XBP1: variants seen among roughly 807,000 people sequenced by gnomAD.
The protein encoded by XBP1 is X-box-binding protein 1.
XBP1 carries 18 observed loss-of-function variants against 34.6 expected under a neutral mutation model. The ratio of observed to expected loss-of-function variants is 0.52; its 90% CI spans 0.36 to 0.77. The LOEUF (loss-of-function observed/expected upper bound fraction) is 0.77. Among genes scored for constraint, XBP1 ranks in the 30% least tolerant of loss-of-function variants. XBP1 has a pLI of 0.00. For missense variants in XBP1, 422 were observed against 464.6 expected (o/e 0.91, Z 0.84); for synonymous variants, 191 against 193.4 (o/e 0.99, Z 0.11).
At chr22:28,799,690 T>A (rs559347854) in intron 1 of XBP1, among the ~76,000 whole-genome samples, 23 of 152,152 alleles carry the variant, frequency 1.5e-4, no homozygotes, top group South Asian at 8.3e-4. Context: ...CTTTTTTTTT[T>A]AAAAGAATTA....
chr22:28,800,183 G>A, intron 1 of XBP1, 115 bp downstream of exon 1: 1 of 1,271,776 alleles, frequency 7.9e-7, no homozygotes. Context: ...CCAGGCCAAA[G>A]GCGACGGAGC....
chr22:28,797,200 T>C (rs772572679), exon 3 of XBP1: 2 of 1,612,544 alleles, frequency 1.2e-6, no homozygotes, highest in Non-Finnish European at 1.7e-6. Flanking sequence ...GCAAAAGTTT[T>C]TGGTTCTGGA....
At chr22:28,795,124 C>T, downstream of XBP1, 1 of 1,453,532 alleles carries the variant, frequency 6.9e-7, no homozygotes, top group Non-Finnish European at 9.1e-7. Context: ...CTCTGCTATC[C>T]TCCAGGCAGT....
chr22:28,796,939 T>G, intron 3 of XBP1, 138 bp downstream of exon 3: 1 of 1,084,724 alleles, frequency 9.2e-7, no homozygotes. Context: ...ACACTCTGCC[T>G]GCATGAAAAT....
At position 28,796,038 on chromosome 22, in the gene XBP1, G is replaced by C; in HGVS notation, c.573+9C>G. ...ATATAGCTCTTTAATAAGTCAGAAT[G>C]ATCCCTACCTCTGAATCTGAAGAGT... On this transcript the variant is annotated intron_variant, in intron 5 of 5. Transcript: ENST00000344347. 1 of 1,614,062 alleles carries C rather than the reference G, an allele frequency of 6.2e-7. No homozygotes were observed.
At chr22:28,799,130 G>A in exon 2 of XBP1, 2 of 1,614,058 alleles carry the variant, frequency 1.2e-6, no homozygotes, top group Non-Finnish European at 1.7e-6. Flanking sequence ...GGCAGTCTGA[G>A]CTGCTACTCT....
At chr22:28,795,612 A>G (rs199555020) in exon 6 of XBP1, 2 of 1,614,076 alleles carry the variant, frequency 1.2e-6, no homozygotes, top group African/African-American at 2.7e-5. Context: ...GAGGCTGGTA[A>G]GGAACTGGGT....
chr22:28,797,401 G>T (rs1359413859), intron 2 of XBP1, among the ~76,000 whole-genome samples, 196 bp from the exon 3 acceptor site: 1 of 152,162 alleles, frequency 6.6e-6, no homozygotes, highest in African/African-American at 2.4e-5. Context: ...ACTTCATGGG[G>T]TCAAGAATAA....
chr22:28,796,010 G>T, intron 5 of XBP1, 37 bp downstream of exon 5: 1 of 1,612,284 alleles, frequency 6.2e-7, no homozygotes, highest in Non-Finnish European at 8.5e-7. Context: ...GAATTAACTG[G>T]TTATATAGCT....
At chr22:28,794,876 C>T (rs946928228), downstream of XBP1, 3 of 242,436 alleles carry the variant, frequency 1.2e-5, no homozygotes, top group Non-Finnish European at 2.4e-5. Flanking sequence ...ATGACCCTTA[C>T]ATAATAAGTA....
intron 1 of XBP1, chr22:28,799,839 A>C: frequency 1.6e-6 from 1 of 612,662 alleles, no homozygotes. Flanking sequence ...TTCCATTTTA[A>C]GAACGCAGAT....
rs529720407 is a variant in XBP1 at position 28,799,691 on chromosome 22, A to T, written c.228-538T>A. On this transcript the variant is annotated intron_variant, in intron 1 of 5. Coordinates refer to ENST00000344347, the Ensembl canonical transcript of XBP1. ...TGTTGGAGGAGACACTTTTTTTTTT[A>T]AAAGAATTAACTCAGAAGAGACACT... 1.8e-4 allele frequency among the ~76,000 whole-genome samples: 28 copies of T among 151,744 alleles called. No individual in the cohort carries two copies. In the East Asian group the frequency reaches 1.9e-3, roughly 10 times the overall value.
At position 28,798,461 on chromosome 22, in the gene XBP1, A is replaced by T. The variant is rs142278697; in HGVS notation, c.324+596T>A. On this transcript the variant is annotated intron_variant, in intron 2 of 5. Coordinates refer to ENST00000344347, the Ensembl canonical transcript of XBP1. ...GCAGCTGGGATTACAGGTGCCTGCC[A>T]CGACACCCGGCTAATTTTTGTATTT... 4.9e-3 allele frequency among the ~76,000 whole-genome samples: 741 copies of T among 151,338 alleles called. 9 individuals carry two copies. Among genetic ancestry groups the T allele is most frequent in the African/African-American group, 0.017 (717 of 41,126 alleles).
intron 2 of XBP1, 38 bp downstream of exon 2, chr22:28,799,019 T>C (rs756678661): frequency 1.3e-6 from 2 of 1,529,190 alleles, no homozygotes; most frequent in East Asian, 4.5e-5. Context: ...AGGAAGGGTA[T>C]ACAATGGATA....
intron 1 of XBP1, chr22:28,800,066 G>C (rs552536258): frequency 1.3e-6 from 1 of 770,568 alleles, no homozygotes; most frequent in East Asian, 2.5e-5. Flanking sequence ...TAACGAGAGA[G>C]TTAAAAAGTA....
intron 3 of XBP1, 28 bp downstream of exon 3, chr22:28,797,049 G>T (rs369855601): frequency 1.4e-5 from 22 of 1,594,010 alleles, no homozygotes; most frequent in Non-Finnish European, 1.9e-5. Flanking sequence ...GTACTCACAT[G>T]AGGCACCAAA....
intron 5 of XBP1, 67 bp downstream of exon 5, chr22:28,795,980 T>C: frequency 1.3e-6 from 2 of 1,590,456 alleles, no homozygotes; most frequent in Non-Finnish European, 8.6e-7. Flanking sequence ...TAGTTAGGGA[T>C]GTCAAGCATC....
downstream of XBP1, chr22:28,795,042 GAACA>G: frequency 2.4e-6 from 2 of 849,412 alleles, no homozygotes; most frequent in Non-Finnish European, 3.4e-6. Flanking sequence ...TATGAGATCT[GAACA>G]AATAGAGGAA....
At chr22:28,796,329 T>A in intron 3 of XBP1, 137 bp from the exon 4 acceptor site, 1 of 727,020 alleles carries the variant, frequency 1.4e-6, no homozygotes, top group Non-Finnish European at 2.1e-6. Flanking sequence ...CTTTATTATC[T>A]AACAACATTA....
Sources: allele counts gnomAD v4.1 joint callset (sites outside exome capture counted in the v4.1 genomes callset), GRCh38; gene constraint gnomAD v4.1.1; transcripts MANE v1.5; gene names NCBI Gene and HGNC (gene_info 2026-07-23, HGNC 2026-07-21).